IQSEC3: variants seen among roughly 807,000 people sequenced by gnomAD.
The protein encoded by IQSEC3 is IQ motif and Sec7 domain ArfGEF 3, also known as IQ motif and SEC7 domain-containing protein 3.
A neutral mutation model predicts 105.4 loss-of-function variants in IQSEC3; 50 were observed. The ratio of observed to expected loss-of-function variants is 0.47; its 90% CI spans 0.38 to 0.60. The LOEUF (loss-of-function observed/expected upper bound fraction) is 0.60. IQSEC3 is among the 20% of genes least tolerant of loss of function. The pLI, the probability that IQSEC3 is intolerant of heterozygous loss-of-function variation, is 0.00. For missense variants in IQSEC3, 1,415 were observed against 1,630.0 expected, an observed-to-expected ratio of 0.87 and a Z score of 2.27; for synonymous variants, 708 against 746.0, an observed-to-expected ratio of 0.95 and a Z score of 0.83.
In IQSEC3 at chr12:157,844, G is replaced by A. The variant is rs977432869; in HGVS notation, c.2443+150G>A. 14 of 929,920 alleles carry A rather than the reference G, an allele frequency of 1.5e-5. No homozygotes were observed. The Admixed American group carries it at 1.9e-4, about 13-fold the overall frequency. The allele number at this position is 929,920 out of a possible 1,614,324, so 57.6% of individuals were successfully genotyped here. A position where few individuals can be genotyped will look rare whatever the true frequency, so the allele number is the denominator to read the frequency against. ...CCATAGCAAGCTGGGAACATTCCTTGTGAGCCAGGCGGCTGGGGAGTTTCC... is the reference window on the plus strand; with the variant it reads ...CCATAGCAAGCTGGGAACATTCCTTATGAGCCAGGCGGCTGGGGAGTTTCC... On this transcript the variant is annotated intron_variant, in intron 7 of 13. Coordinates refer to ENST00000538872, the MANE Select transcript of IQSEC3 (RefSeq NM_001170738.2).
At chr12:134,123 G>A (rs1865682501) in intron 3 of IQSEC3, among the ~76,000 whole-genome samples, 1 of 152,194 alleles carries the variant, frequency 6.6e-6, no homozygotes, top group Admixed American at 6.5e-5. Context: ...AGGCAGGAGC[G>A]GGAGAGCGTC....
At chr12:121,032 A>G (rs1865201849) in intron 2 of IQSEC3, among the ~76,000 whole-genome samples, 1 of 152,112 alleles carries the variant, frequency 6.6e-6, no homozygotes, top group Admixed American at 6.5e-5. Flanking sequence ...GAGAGTGGAG[A>G]GCCCCAGGAC....
rs782480107 is a variant in IQSEC3 at position 165,888 on chromosome 12, A to C, written c.2969A>C (p.Glu990Ala). The C allele has an allele frequency of 1.7e-5, 27 of 1,613,088 alleles. No homozygotes were observed. The highest frequency in any genetic ancestry group is 2.0e-5 in the Non-Finnish European group (24 of 1,179,420). ...ACGGAGCTGGAGCAGATCCGAATAG[A>C]GTGTAAGGACACGGGCTCCCGAGGC... Reference protein sequence around the residue: ...EVTELEQIRIEWELEKQQGTK... With the variant: ...EVTELEQIRIAWELEKQQGTK... Residue 990 changes from glutamate to alanine, a missense_variant and splice_region_variant, in exon 11 of 14, where the codon GAG becomes GCG. Around this residue, in one of 6 missense-constraint regions of IQSEC3, gnomAD observed 419 missense variants for 436.2 expected, o/e 0.96. Transcript: ENST00000538872.
intron 2 of IQSEC3, among the ~76,000 whole-genome samples, chr12:108,257 G>C (rs1405060338): frequency 6.6e-6 from 1 of 152,200 alleles, no homozygotes; most frequent in Non-Finnish European, 1.5e-5. Context: ...CTATTTATTA[G>C]GCTCCACTTT....
At chr12:111,110 G>T (rs1029058361) in intron 2 of IQSEC3, among the ~76,000 whole-genome samples, 3 of 152,136 alleles carry the variant, frequency 2.0e-5, no homozygotes, top group Admixed American at 6.5e-5. Context: ...GCTTTTCATT[G>T]GGTGAGGGCT....
chr12:156,965 T>C (rs1469493739), intron 5 of IQSEC3, 60 bp from the exon 6 acceptor site: 10 of 1,453,582 alleles, frequency 6.9e-6, no homozygotes, highest in South Asian at 1.5e-5. Flanking sequence ...CCAGCGAGAA[T>C]GGGTGTTGGA....
At chr12:92,604 C>T (rs556192321) in intron 1 of IQSEC3, among the ~76,000 whole-genome samples, 8 of 152,316 alleles carry the variant, frequency 5.3e-5, no homozygotes, top group East Asian at 3.9e-4. Flanking sequence ...TCTCCAGCAG[C>T]GATGGGGAGC....
intron 1 of IQSEC3, among the ~76,000 whole-genome samples, chr12:68,911 C>T (rs1268867522): frequency 2.6e-5 from 4 of 152,150 alleles, no homozygotes; most frequent in African/African-American, 4.8e-5. Flanking sequence ...ATTCAAGTCC[C>T]AAGAAGATAC....
chr12:163,471 C>T lies in IQSEC3; in HGVS notation c.2584-23C>T, dbSNP rs782420197. On this transcript the variant is annotated intron_variant, in intron 8 of 13. Transcript: ENST00000538872. ...GCCTCCAGGCCTCTGGTCTCTCCCGCTGAGCGCCCTGCCCGCGTGCAGGTG... is the reference window on the plus strand; with the variant it reads ...GCCTCCAGGCCTCTGGTCTCTCCCGTTGAGCGCCCTGCCCGCGTGCAGGTG... 3 of 1,588,808 alleles carry T rather than the reference C, an allele frequency of 1.9e-6. No individual in the cohort carries two copies. The East Asian group carries it at 6.8e-5, about 36-fold the overall frequency.
intron 3 of IQSEC3, among the ~76,000 whole-genome samples, chr12:127,286 C>T (rs1555083799): frequency 6.6e-6 from 1 of 151,926 alleles, no homozygotes. Context: ...TTTGGGAGGC[C>T]AAGGCGGGTG....
intron 1 of IQSEC3, among the ~76,000 whole-genome samples, chr12:84,534 G>T (rs1555071554): frequency 2.0e-5 from 3 of 152,236 alleles, no homozygotes; most frequent in South Asian, 4.1e-4. Context: ...GTGTGCATAG[G>T]TTTGGGGCGT....
At chr12:92,655 G>A (rs782389679) in intron 1 of IQSEC3, among the ~76,000 whole-genome samples, 18 of 152,204 alleles carry the variant, frequency 1.2e-4, no homozygotes, top group South Asian at 8.3e-4. Flanking sequence ...TAAAGGCCCC[G>A]CATCTCAGGA....
chr12:105,714 G>A (rs1864625570), intron 2 of IQSEC3, among the ~76,000 whole-genome samples: 1 of 152,218 alleles, frequency 6.6e-6, no homozygotes. Context: ...ATATCCCAGA[G>A]AGTATTAGGA....
chr12:70,343 C>A (rs1246450416), intron 1 of IQSEC3, among the ~76,000 whole-genome samples: 3 of 152,276 alleles, frequency 2.0e-5, no homozygotes, highest in African/African-American at 7.2e-5. Flanking sequence ...TCTCTCCCTC[C>A]TTCAGCTGAG....
At chr12:99,063 C>A in intron 1 of IQSEC3, 83 bp from the exon 2 acceptor site, 1 of 1,297,398 alleles carries the variant, frequency 7.7e-7, no homozygotes, top group Non-Finnish European at 1.1e-6. Context: ...AGCAAGATTT[C>A]AGGGCAGAAA....
rs367989775 is a variant in IQSEC3 at position 169,073 on chromosome 12, G to C, written c.3032G>C (p.Gly1011Ala). 3.2e-5 allele frequency: 51 copies of C among 1,613,920 alleles called. No homozygotes were observed. Among genetic ancestry groups the C allele is most frequent in the Middle Eastern group, 1.6e-4 (1 of 6,084 alleles). ...TCCTTCAAGCCCTGCGGAGCCCAGG[G>C]GGACCCACAGTCAAAGCAAGGATCG... The part of the protein sequence containing the change: ...TLSFKPCGAQ[G>A]DPQSKQGSPT... The change falls in exon 12 of 14, where the codon GGG (glycine) becomes GCG (alanine). Residue 1011 changes from glycine (G) to alanine (A), a missense_variant. Around this residue, in one of 6 missense-constraint regions of IQSEC3, gnomAD observed 419 missense variants for 436.2 expected, o/e 0.96. Transcript: ENST00000538872.
At chr12:134,593 G>A (rs1865697464) in intron 3 of IQSEC3, among the ~76,000 whole-genome samples, 1 of 152,256 alleles carries the variant, frequency 6.6e-6, no homozygotes, top group Non-Finnish European at 1.5e-5. Flanking sequence ...AGGCCAGACG[G>A]GAAAGAAATG....
At chr12:98,720 C>T (rs868249) in intron 1 of IQSEC3, among the ~76,000 whole-genome samples, 113,036 of 152,178 alleles carry the variant, frequency 0.74, 43,540 homozygotes, top group Non-Finnish European at 0.86. Flanking sequence ...ATTCACTGCA[C>T]GCAATTCTGT....
At chr12:145,240 G>C (rs889221506) in intron 5 of IQSEC3, among the ~76,000 whole-genome samples, 3 of 152,208 alleles carry the variant, frequency 2.0e-5, no homozygotes, top group African/African-American at 7.2e-5. Flanking sequence ...TGAAGTGCCT[G>C]ATGCTTAGTA....
Sources: gnomAD v4.1 joint callset for allele counts (sites outside exome capture counted in the v4.1 genomes callset) on GRCh38, gnomAD v4.1.1 for gene constraint, gnomAD v4.1.1 regional missense constraint, MANE v1.5 for transcripts, NCBI Gene and HGNC (gene_info 2026-07-23, HGNC 2026-07-21) for gene names.